CNTNAP3B: variants seen among roughly 807,000 people sequenced by gnomAD.
The protein encoded by CNTNAP3B is contactin associated protein family member 3B, also known as contactin-associated protein-like 3B.
CNTNAP3B carries 25 observed loss-of-function variants against 108.9 expected under a neutral mutation model. The ratio of observed to expected loss-of-function variants is 0.23; its 90% CI spans 0.17 to 0.32. The LOEUF (loss-of-function observed/expected upper bound fraction) is 0.32. CNTNAP3B is among the 10% of genes least tolerant of loss of function. The pLI is 1.00. For synonymous variants in CNTNAP3B, 103 were observed against 473.4 expected, an observed-to-expected ratio of 0.22 and a Z score of 10.16; for missense variants, 252 against 1,210.4, an observed-to-expected ratio of 0.21 and a Z score of 11.75.
chr9:41,916,133 CTCT>C (rs1314082416), intron 18 of CNTNAP3B, among the ~76,000 whole-genome samples: 1 of 146,634 alleles, frequency 6.8e-6, no homozygotes, highest in Non-Finnish European at 1.5e-5. Context: ...TCTATAAACT[CTCT>C]TATTTACCAT....
intron 13 of CNTNAP3B, among the ~76,000 whole-genome samples, chr9:41,947,757 A>G (rs1307366323): frequency 6.6e-6 from 1 of 152,224 alleles, no homozygotes; most frequent in South Asian, 2.1e-4. Context: ...TCTAAAAAAC[A>G]GTAAGATTGA....
At chr9:42,105,842 T>C in intron 1 of CNTNAP3B, among the ~76,000 whole-genome samples, 1 of 80,402 alleles carries the variant, frequency 1.2e-5, no homozygotes, top group African/African-American at 4.7e-5. Flanking sequence ...TTAAGATATG[T>C]CTGTGAAAGA....
rs1272697838 is a variant in CNTNAP3B at position 42,080,201 on chromosome 9, C to G, written c.197-3139G>C. The stretch of plus-strand genomic sequence containing the variant: ...CTAGCCATCCCTCTTCTCGGCATCC[C>G]TCACAGTTTGTTAGTTTGTTGGTGT... On this transcript the variant is annotated intron_variant, in intron 2 of 23. Transcript: ENST00000377561. Among the ~76,000 whole-genome samples, 8 of 137,184 alleles carry G rather than the reference C, an allele frequency of 5.8e-5. 3 individuals are homozygous for G. The highest frequency in any genetic ancestry group is 2.3e-4 in the African/African-American group (8 of 34,246). 90.0% of individuals were successfully genotyped at this position (137,184 alleles called of 152,430 possible).
Position 41,935,983 on chromosome 9 carries a change from A to G in CNTNAP3B, c.2237+2261T>C, listed in dbSNP as rs1440314292. Among the ~76,000 whole-genome samples the G allele has an allele frequency of 6.8e-3, 1,025 of 151,706 alleles. 2 individuals carry two copies. The East Asian group carries it at 0.14, about 21-fold the overall frequency. On this transcript the variant is annotated intron_variant, in intron 14 of 23. Coordinates refer to ENST00000377561, the MANE Select transcript of CNTNAP3B (RefSeq NM_001201380.3). ...GGGTCACTCAATACAGGTGGCTCCA[A>G]GTGATACGTTCCTCTGGTTACTGCC...
intron 11 of CNTNAP3B, among the ~76,000 whole-genome samples, chr9:41,963,431 G>T (rs994028645): frequency 6.6e-6 from 1 of 150,420 alleles, no homozygotes; most frequent in African/African-American, 2.5e-5. Context: ...ATTATAACAG[G>T]TTAGAGTTCA....
intron 1 of CNTNAP3B, among the ~76,000 whole-genome samples, chr9:42,107,724 C>T (rs2118706069): frequency 7.2e-6 from 1 of 137,942 alleles, no homozygotes; most frequent in East Asian, 2.2e-4. Context: ...ACCTGTAATC[C>T]CAACACTTTG....
intron 9 of CNTNAP3B, among the ~76,000 whole-genome samples, chr9:41,972,865 A>T (rs1825446140): frequency 7.4e-6 from 1 of 135,470 alleles, no homozygotes; most frequent in Non-Finnish European, 1.6e-5. Context: ...GTAATGAATT[A>T]TAGGAATATC....
intron 3 of CNTNAP3B, among the ~76,000 whole-genome samples, chr9:42,035,867 G>A (rs1444274627): frequency 6.9e-5 from 10 of 143,892 alleles, no homozygotes; most frequent in African/African-American, 2.4e-4. Flanking sequence ...GTCTTGCTAT[G>A]TTGCCCTGGT....
At position 42,099,381 on chromosome 9, in the gene CNTNAP3B, A is replaced by T. The variant is rs1364070429; in HGVS notation, c.196+5248T>A. 2.3e-5 allele frequency among the ~76,000 whole-genome samples: 3 copies of T among 133,024 alleles called. 1 individual carries two copies. Among genetic ancestry groups the T allele is most frequent in the African/African-American group, 9.1e-5 (3 of 32,890 alleles). 87.3% of individuals were successfully genotyped at this position (133,024 alleles called of 152,430 possible). A position where few individuals can be genotyped will look rare whatever the true frequency, so the allele number is the denominator to read the frequency against. On this transcript the variant is annotated intron_variant, in intron 2 of 23. Transcript: ENST00000377561. ...AAACCTCTTGGAAAGAAAGTTTCGA[A>T]TGTTGATGAGGTCCACCCATATAGT...
chr9:41,966,925 C>T (rs1311625975), intron 10 of CNTNAP3B, among the ~76,000 whole-genome samples: 2 of 150,232 alleles, frequency 1.3e-5, no homozygotes, highest in Non-Finnish European at 3.0e-5. Context: ...CGAGATCGTG[C>T]CACTGCACTC....
At chr9:41,944,305 T>C (rs1200365095) in intron 13 of CNTNAP3B, among the ~76,000 whole-genome samples, 7 of 147,866 alleles carry the variant, frequency 4.7e-5, no homozygotes, top group African/African-American at 7.5e-5. Flanking sequence ...TTCTTCTTAA[T>C]TGATGTAATA....
intron 2 of CNTNAP3B, among the ~76,000 whole-genome samples, chr9:42,098,464 T>C (rs1380641771): frequency 1.8e-5 from 2 of 109,486 alleles, no homozygotes; most frequent in African/African-American, 7.5e-5. Flanking sequence ...GTGCCTGTAG[T>C]CCCAGCTACT....
rs988904528 is a variant in CNTNAP3B at position 42,108,900 on chromosome 9, A to G, written c.86-4161T>C. Among the ~76,000 whole-genome samples the G allele has an allele frequency of 2.3e-4, 32 of 140,474 alleles. 1 individual carries two copies. The highest frequency in any genetic ancestry group is 9.0e-4 in the African/African-American group (32 of 35,634). The allele number at this position is 140,474 out of a possible 152,430, so 92.2% of individuals were successfully genotyped here. On this transcript the variant is annotated intron_variant, in intron 1 of 23. Transcript: ENST00000377561. ...GAAACCATTTCTTAGTATTATGTTCATGAAAGACAGCAGAAGATTAAAATT... is the reference window on the plus strand; with the variant it reads ...GAAACCATTTCTTAGTATTATGTTCGTGAAAGACAGCAGAAGATTAAAATT...
chr9:41,957,507 A>T (rs1323811815), intron 12 of CNTNAP3B, among the ~76,000 whole-genome samples: 2 of 133,458 alleles, frequency 1.5e-5, no homozygotes, highest in Admixed American at 1.6e-4. Context: ...GATTCTTTCC[A>T]AAGCTGTGCC....
Position 41,996,324 on chromosome 9 carries a change from G to C in CNTNAP3B, c.952C>G (p.Pro318Ala). 2 of 1,541,012 alleles carry C rather than the reference G, an allele frequency of 1.3e-6. 1 individual carries two copies. The highest frequency in any genetic ancestry group is 1.8e-6 in the Non-Finnish European group (2 of 1,138,022). Reference sequence around the variant, plus strand: ...CGTGTGAATGCCCGTGATCTTCCGGGTGACAGAATTCCCCCAAAGCTGATC... The same window carrying C: ...CGTGTGAATGCCCGTGATCTTCCGGCTGACAGAATTCCCCCAAAGCTGATC... Reference protein sequence around the residue: ...FEISFGGILSPGRSRAFTRKS... With the variant: ...FEISFGGILSAGRSRAFTRKS... The change falls in exon 7 of 24, where the codon CCC (proline) becomes GCC (alanine). Residue 318 changes from proline (P) to alanine (A), a missense_variant. Pro to Ala is a conservative substitution (Grantham distance 27, BLOSUM62 -1). Transcript: ENST00000377561.
intron 15 of CNTNAP3B, among the ~76,000 whole-genome samples, chr9:41,924,498 T>A (rs971920390): frequency 3.9e-5 from 6 of 152,414 alleles, no homozygotes; most frequent in African/African-American, 1.4e-4. Flanking sequence ...GGAAGGGAAA[T>A]AATTCTAAAG....
At chr9:41,916,191 G>A (rs1293986007) in intron 18 of CNTNAP3B, among the ~76,000 whole-genome samples, 1 of 146,928 alleles carries the variant, frequency 6.8e-6, no homozygotes, top group Non-Finnish European at 1.5e-5. Context: ...TTACCATTTG[G>A]TGTTATTCCT....
At chr9:41,919,800 C>A (rs1359569863) in intron 18 of CNTNAP3B, among the ~76,000 whole-genome samples, 1 of 152,428 alleles carries the variant, frequency 6.6e-6, no homozygotes, top group East Asian at 1.9e-4. Context: ...GTTTTGAAAA[C>A]CAAATTATTT....
At chr9:42,116,537 A>G (rs964080563) in intron 1 of CNTNAP3B, among the ~76,000 whole-genome samples, 2 of 136,818 alleles carry the variant, frequency 1.5e-5, no homozygotes, top group Non-Finnish European at 3.1e-5. Context: ...TAAACATGGA[A>G]AGGAACAACC....
Sources: allele counts gnomAD v4.1 joint callset (sites outside exome capture counted in the v4.1 genomes callset), GRCh38; gene constraint gnomAD v4.1.1; transcripts MANE v1.5; gene names NCBI Gene and HGNC (gene_info 2026-07-23, HGNC 2026-07-21).